Variants in PDZD2 observed in about 807,000 individuals in gnomAD.
PDZD2 encodes the protein PDZ domain-containing protein 2.
PDZD2 carries 90 observed loss-of-function variants against 220.7 expected under a neutral mutation model. That is an observed-to-expected ratio of 0.41 (90% CI 0.34 to 0.49). The LOEUF is 0.49. Ranked by LOEUF, PDZD2 falls within the 20% of genes least tolerant of loss-of-function variation. The pLI is 0.28. For missense variants in PDZD2, 3,174 were observed against 3,608.5 expected (o/e 0.88, Z 3.08); for synonymous variants, 1,375 against 1,450.5 (o/e 0.95, Z 1.18).
intron 1 of PDZD2, among the ~76,000 whole-genome samples, chr5:31,792,537 G>C (rs967877409): frequency 6.6e-6 from 1 of 152,102 alleles, no homozygotes; most frequent in African/African-American, 2.4e-5. Context: ...TCATGCCCCA[G>C]CCTCCCGAAG....
chr5:31,710,408 G>A (rs557799089), intron 1 of PDZD2, among the ~76,000 whole-genome samples: 1 of 152,240 alleles, frequency 6.6e-6, no homozygotes, highest in Non-Finnish European at 1.5e-5. Context: ...CAAAATCCAT[G>A]CGGAACATGG....
At chr5:32,104,005 T>G (rs1236669897) in intron 24 of PDZD2, 1 of 152,366 alleles carries the variant, frequency 6.6e-6, no homozygotes, top group East Asian at 1.9e-4. Flanking sequence ...GACTAGCGCT[T>G]TAGATGCTCT....
chr5:32,051,288 C>T lies in PDZD2; in HGVS notation c.1666-1323C>T, dbSNP rs76774873. ...TAAAAGGGCAGTAACCTTGCCAAGCCCACATCATTTTTTTTAATGATTGAA... is the reference window on the plus strand; with the variant it reads ...TAAAAGGGCAGTAACCTTGCCAAGCTCACATCATTTTTTTTAATGATTGAA... On this transcript the variant is annotated intron_variant, in intron 8 of 24. Coordinates refer to ENST00000438447, the MANE Select transcript of PDZD2 (RefSeq NM_178140.4). Among the ~76,000 whole-genome samples, 829 of 152,076 alleles carry T rather than the reference C, an allele frequency of 5.5e-3. 4 individuals are homozygous for T. The highest frequency in any genetic ancestry group is 7.8e-3 in the Admixed American group (119 of 15,280).
At chr5:31,817,111 A>T (rs1419396928) in intron 2 of PDZD2, among the ~76,000 whole-genome samples, 1 of 146,940 alleles carries the variant, frequency 6.8e-6, no homozygotes. Flanking sequence ...GCGTGAACCC[A>T]GGAGGTGGAG....
At chr5:31,850,549 C>T (rs1006514082) in intron 2 of PDZD2, among the ~76,000 whole-genome samples, 3 of 151,518 alleles carry the variant, frequency 2.0e-5, no homozygotes, top group African/African-American at 4.9e-5. Context: ...ATGGAGATTG[C>T]ACAGTGTTAT....
chr5:32,077,408 G>T, intron 18 of PDZD2, 54 bp from the exon 19 acceptor site: 1 of 1,588,586 alleles, frequency 6.3e-7, no homozygotes, highest in Non-Finnish European at 8.6e-7. Context: ...CTCATCTTAC[G>T]GTGCAGAAAG....
chr5:31,891,829 A>C (rs1316952611), intron 2 of PDZD2, among the ~76,000 whole-genome samples: 2 of 152,210 alleles, frequency 1.3e-5, no homozygotes, highest in East Asian at 1.9e-4. Context: ...AGGAGAGTGA[A>C]GACTGATACT....
At chr5:31,662,877 G>A (rs551876971) in intron 1 of PDZD2, among the ~76,000 whole-genome samples, 7 of 152,274 alleles carry the variant, frequency 4.6e-5, no homozygotes, top group South Asian at 2.1e-4. Flanking sequence ...TGATCCACCC[G>A]CTGTGGCCTC....
At chr5:31,683,046 C>T (rs2150124103) in intron 1 of PDZD2, among the ~76,000 whole-genome samples, 1 of 152,104 alleles carries the variant, frequency 6.6e-6, no homozygotes, top group East Asian at 1.9e-4. Context: ...CCCCTGCCAT[C>T]TGGTGTTTGC....
chr5:31,880,946 C>A (rs917656613), intron 2 of PDZD2, among the ~76,000 whole-genome samples: 1 of 151,594 alleles, frequency 6.6e-6, no homozygotes, highest in African/African-American at 2.4e-5. Context: ...GGATTACAGG[C>A]GCCTACCACC....
intron 2 of PDZD2, among the ~76,000 whole-genome samples, chr5:31,866,213 T>C (rs1738215904): frequency 6.6e-6 from 1 of 151,698 alleles, no homozygotes. Flanking sequence ...TGTCCAGGCT[T>C]GTTTCGAACT....
At chr5:31,749,423 AT>A (rs34580721) in intron 1 of PDZD2, among the ~76,000 whole-genome samples, 26,103 of 139,742 alleles carry the variant, frequency 0.19, 2,312 homozygotes, top group East Asian at 0.28. Flanking sequence ...TCACTGTGTG[AT>A]TTTTTTTTTT....
chr5:31,997,816 A>C (rs909591104), intron 4 of PDZD2, among the ~76,000 whole-genome samples: 1 of 152,112 alleles, frequency 6.6e-6, no homozygotes, highest in African/African-American at 2.4e-5. Context: ...GAAATGAAAG[A>C]GGGAAATAGG....
intron 2 of PDZD2, among the ~76,000 whole-genome samples, chr5:31,952,809 C>T (rs527565769): frequency 6.6e-6 from 1 of 152,166 alleles, no homozygotes; most frequent in East Asian, 1.9e-4. Flanking sequence ...CCTGTAATCC[C>T]AGCACTTTGG....
chr5:31,959,970 TC>T (rs1403015723), intron 2 of PDZD2, among the ~76,000 whole-genome samples: 4 of 152,148 alleles, frequency 2.6e-5, no homozygotes, highest in Non-Finnish European at 4.4e-5. Flanking sequence ...ATCACCTTTT[TC>T]TATCTCTGCC....
intron 10 of PDZD2, among the ~76,000 whole-genome samples, 196 bp from the exon 11 acceptor site, chr5:32,057,459 T>G (rs528925380): frequency 6.6e-6 from 1 of 152,350 alleles, no homozygotes; most frequent in South Asian, 2.1e-4. Context: ...AAATACAGAA[T>G]TACTGCAAAA....
Position 32,074,202 on chromosome 5 carries a change from A to C in PDZD2, c.3096A>C (p.Ala1032=). The change falls in exon 18 of 25, where the codon GCA becomes GCC. Residue 1032 remains alanine, a synonymous_variant. Coordinates refer to ENST00000438447, the MANE Select transcript of PDZD2 (RefSeq NM_178140.4). ...CACTGGTGAGCAAGGCCATCTCGGC[A>C]CCTCTTCTTGGTAGCTCAGTGGACT... ...RKTLVSKAIS[A]PLLGSSVDLE... 1 of 1,614,102 alleles carries C rather than the reference A, an allele frequency of 6.2e-7. No homozygotes were observed. The highest frequency in any genetic ancestry group is 1.3e-5 in the African/African-American group (1 of 75,022).
chr5:31,947,964 T>G (rs773527604), intron 2 of PDZD2, among the ~76,000 whole-genome samples: 35 of 152,248 alleles, frequency 2.3e-4, no homozygotes, highest in South Asian at 1.2e-3. Context: ...TTATATAAAC[T>G]TTAAGGGTGG....
chr5:31,777,913 C>G (rs1035702067), intron 1 of PDZD2, among the ~76,000 whole-genome samples: 7 of 151,312 alleles, frequency 4.6e-5, no homozygotes, highest in African/African-American at 1.7e-4. Context: ...GGTTTATAAA[C>G]ACACCAATCA....
Sources: allele counts gnomAD v4.1 joint callset (sites outside exome capture counted in the v4.1 genomes callset), GRCh38; gene constraint gnomAD v4.1.1; transcripts MANE v1.5; gene names NCBI Gene and HGNC (gene_info 2026-07-23, HGNC 2026-07-21).